The following MYO5B variants were observed in gnomAD, a reference collection of about 807,000 sequenced individuals.
MYO5B encodes unconventional myosin-Vb.
In MYO5B, 143 loss-of-function variants were observed where a neutral mutation model predicts 229.3. The observed-to-expected ratio is 0.62, with a 90% CI of 0.54 to 0.72. The LOEUF (loss-of-function observed/expected upper bound fraction) is 0.72, where lower values mean the gene tolerates loss of function less well. Ranked by LOEUF, MYO5B falls within the 30% of genes least tolerant of loss-of-function variation. MYO5B has a pLI of 0.00. For missense variants in MYO5B, 2,321 were observed against 2,331.0 expected (o/e 1.00, Z 0.09); for synonymous variants, 918 against 885.2 (o/e 1.04, Z -0.66).
chr18:49,932,175 CTCTGT>C (rs2025200480), intron 16 of MYO5B, among the ~76,000 whole-genome samples: 1 of 152,208 alleles, frequency 6.6e-6, no homozygotes, highest in African/African-American at 2.4e-5. Context: ...TCCCCTCCCT[CTCTGT>C]TCTGGTATCC....
In MYO5B at chr18:49,863,251, T is replaced by C. The variant is rs774837934; in HGVS notation, c.3920A>G (p.Tyr1307Cys). The change falls in exon 29 of 40, where the codon TAT becomes TGT. Residue 1307 changes from tyrosine to cysteine, a missense_variant. Tyr to Cys is a radical substitution (Grantham distance 194). Coordinates refer to ENST00000285039, the MANE Select transcript of MYO5B (RefSeq NM_001080467.3). Reference sequence around the variant, plus strand: ...CCTGTTTGTCTGGCAGACCCCGTGATAGGCCTCAATGGCATCCTCCTGGTC... The same window carrying C: ...CCTGTTTGTCTGGCAGACCCCGTGACAGGCCTCAATGGCATCCTCCTGGTC... ...HVDQEDAIEA[Y>C]HGVCQTNSKT... The C allele has an allele frequency of 5.4e-5, 87 of 1,613,242 alleles. No individual in the cohort carries two copies. The highest frequency in any genetic ancestry group is 7.1e-5 in the Non-Finnish European group (84 of 1,179,964).
Position 50,157,145 on chromosome 18 carries a change from G to A in MYO5B, c.27+37622C>T, listed in dbSNP as rs534796897. Among the ~76,000 whole-genome samples, 106 of 150,918 alleles carry A rather than the reference G, an allele frequency of 7.0e-4. No individual in the cohort carries two copies. The East Asian group carries it at 9.8e-3, about 14-fold the overall frequency. ...TGGGGGGACGGAGTCTCGCTCTGTC[G>A]CCCAGGCTGGAGTGCAGTGGCGTGA... On this transcript the variant is annotated intron_variant, in intron 1 of 39. Transcript: ENST00000285039.
At chr18:49,889,076 C>T (rs1193157368) in intron 22 of MYO5B, among the ~76,000 whole-genome samples, 1 of 152,226 alleles carries the variant, frequency 6.6e-6, no homozygotes, top group Non-Finnish European at 1.5e-5. Flanking sequence ...ATAGAAGGGC[C>T]CTGCAGACCA....
Position 49,947,101 on chromosome 18 carries a change from CTTTT to C in MYO5B, c.1752+6155_1752+6158del, listed in dbSNP as rs74176748. Among the ~76,000 whole-genome samples, 608 of 108,268 alleles carry C rather than the reference CTTTT, an allele frequency of 5.6e-3. 4 individuals carry two copies. Among genetic ancestry groups the C allele is most frequent in the African/African-American group, 0.02 (571 of 28,344 alleles). The allele number at this position is 108,268 out of a possible 152,430, so 71.0% of individuals were successfully genotyped here. A position where few individuals can be genotyped will look rare whatever the true frequency, so the allele number is the denominator to read the frequency against. On this transcript the variant is annotated intron_variant, in intron 14 of 39. Transcript: ENST00000285039. ...CACAATGAAAAGTAGTCACCAAGCT[CTTTT>C]TTTTTTTTTTTTTTTTTTGAGACGG... is the stretch of plus-strand genomic sequence containing the variant.
intron 5 of MYO5B, among the ~76,000 whole-genome samples, chr18:49,999,745 G>A (rs755059826): frequency 2.2e-4 from 34 of 152,308 alleles, no homozygotes; most frequent in Non-Finnish European, 4.6e-4. Context: ...GGCAACACCA[G>A]CATCACCTAG....
At chr18:50,052,034 T>C (rs2144411546) in intron 2 of MYO5B, among the ~76,000 whole-genome samples, 1 of 152,250 alleles carries the variant, frequency 6.6e-6, no homozygotes, top group Non-Finnish European at 1.5e-5. Context: ...AGAATGGCGA[T>C]CATTAAAAAG....
intron 1 of MYO5B, among the ~76,000 whole-genome samples, chr18:50,193,327 G>T (rs1247929196): frequency 6.6e-6 from 1 of 152,216 alleles, no homozygotes; most frequent in African/African-American, 2.4e-5. Flanking sequence ...TGCACAGGTG[G>T]CCCCTGGTGG....
At chr18:49,858,397 G>C (rs1391240078) in intron 29 of MYO5B, among the ~76,000 whole-genome samples, 1 of 152,234 alleles carries the variant, frequency 6.6e-6, no homozygotes, top group African/African-American at 2.4e-5. Flanking sequence ...CGCTGAAAGG[G>C]AACAAGTGCA....
chr18:49,874,432 G>A (rs1039649818), intron 26 of MYO5B, among the ~76,000 whole-genome samples: 4 of 152,196 alleles, frequency 2.6e-5, no homozygotes, highest in Non-Finnish European at 5.9e-5. Flanking sequence ...TGTCAGGGCA[G>A]CTTTCCTTCT....
intron 4 of MYO5B, among the ~76,000 whole-genome samples, chr18:50,016,190 T>C (rs2026213523): frequency 6.6e-6 from 1 of 152,174 alleles, no homozygotes; most frequent in African/African-American, 2.4e-5. Context: ...GATTAACTGT[T>C]TCATTAATCT....
intron 1 of MYO5B, among the ~76,000 whole-genome samples, chr18:50,161,664 A>C (rs1200668976): frequency 6.6e-6 from 1 of 152,206 alleles, no homozygotes; most frequent in Non-Finnish European, 1.5e-5. Flanking sequence ...CAGAAGGATC[A>C]GTGACCCTTA....
intron 12 of MYO5B, among the ~76,000 whole-genome samples, chr18:49,960,350 A>C (rs79419384): frequency 1.3e-5 from 2 of 152,176 alleles, no homozygotes; most frequent in Non-Finnish European, 2.9e-5. Flanking sequence ...CTGCTTCCAC[A>C]GCCCAACAGG....
chr18:50,095,470 T>A (rs2031532975), intron 1 of MYO5B, among the ~76,000 whole-genome samples: 1 of 152,166 alleles, frequency 6.6e-6, no homozygotes, highest in Non-Finnish European at 1.5e-5. Context: ...ACCTGGTACT[T>A]GCTTAAATCA....
intron 17 of MYO5B, among the ~76,000 whole-genome samples, chr18:49,916,655 A>C (rs1054848856): frequency 3.9e-5 from 6 of 152,124 alleles, no homozygotes; most frequent in African/African-American, 1.2e-4. Context: ...TGTGAAGGCA[A>C]ACCGTCCACT....
intron 1 of MYO5B, among the ~76,000 whole-genome samples, chr18:50,162,480 CA>C (rs1483411052): frequency 6.6e-6 from 1 of 152,180 alleles, no homozygotes; most frequent in African/African-American, 2.4e-5. Context: ...TCCTGATAGA[CA>C]ACTCTTTTCT....
intron 30 of MYO5B, 24 bp downstream of exon 30, chr18:49,856,789 C>T: frequency 6.3e-7 from 1 of 1,598,458 alleles, no homozygotes; most frequent in Non-Finnish European, 8.6e-7. Flanking sequence ...AAAGCAGACA[C>T]AGGAAGAAAG....
intron 1 of MYO5B, among the ~76,000 whole-genome samples, chr18:50,070,532 G>T (rs1230854498): frequency 6.6e-6 from 1 of 151,954 alleles, no homozygotes; most frequent in Non-Finnish European, 1.5e-5. Flanking sequence ...GCTCAGGGAT[G>T]CCGCTATAAC....
At chr18:50,176,226 C>T (rs538982949) in intron 1 of MYO5B, among the ~76,000 whole-genome samples, 1 of 152,244 alleles carries the variant, frequency 6.6e-6, no homozygotes. Context: ...CATGCAGCAC[C>T]CAAATTACCC....
chr18:50,068,225 T>C (rs891848527), intron 1 of MYO5B, among the ~76,000 whole-genome samples: 1 of 152,238 alleles, frequency 6.6e-6, no homozygotes, highest in African/African-American at 2.4e-5. Context: ...TAATGGTAGA[T>C]ACTGAAATAT....
Sources: gnomAD v4.1 joint callset for allele counts (sites outside exome capture counted in the v4.1 genomes callset) on GRCh38, gnomAD v4.1.1 for gene constraint, MANE v1.5 for transcripts, NCBI Gene and HGNC (gene_info 2026-07-23, HGNC 2026-07-21) for gene names.